Variants in WDR76 observed in about 807,000 individuals in gnomAD.
WDR76 encodes WD repeat-containing protein 76.
In WDR76, 52 loss-of-function variants were observed where a neutral mutation model predicts 70.2. That is an observed-to-expected ratio of 0.74 (90% CI 0.59 to 0.93). WDR76 has a LOEUF of 0.93. WDR76 is among the 40% of genes least tolerant of loss of function. The pLI, the probability that WDR76 is intolerant of heterozygous loss-of-function variation, is 0.00. For missense variants in WDR76, 756 were observed against 760.2 expected (o/e 0.99, Z 0.07); for synonymous variants, 292 against 271.1 (o/e 1.08, Z -0.76).
At chr15:43,840,769 A>G (rs2087714562) in intron 5 of WDR76, among the ~76,000 whole-genome samples, 2 of 152,056 alleles carry the variant, frequency 1.3e-5, no homozygotes, top group South Asian at 4.2e-4. Flanking sequence ...GCTTGAACCC[A>G]GAAGTTTGAG....
At chr15:43,850,761 A>G (rs970925533) in intron 8 of WDR76, among the ~76,000 whole-genome samples, 1 of 152,206 alleles carries the variant, frequency 6.6e-6, no homozygotes, top group African/African-American at 2.4e-5. Context: ...TTAGTTAGCA[A>G]TTATACCATG....
chr15:43,843,266 C>T (rs1464967953), intron 7 of WDR76, among the ~76,000 whole-genome samples: 1 of 152,138 alleles, frequency 6.6e-6, no homozygotes, highest in Non-Finnish European at 1.5e-5. Context: ...AGTGAGCTGT[C>T]TGCCTTGGAC....
chr15:43,847,063 T>A (rs1419098696), intron 8 of WDR76, among the ~76,000 whole-genome samples: 1 of 149,862 alleles, frequency 6.7e-6, no homozygotes, highest in Admixed American at 6.7e-5. Flanking sequence ...TTACTAGGTC[T>A]CTGTAGTCCA....
At chr15:43,836,519 CTACT>C (rs1312089973) in intron 4 of WDR76, among the ~76,000 whole-genome samples, 6 of 152,080 alleles carry the variant, frequency 3.9e-5, no homozygotes, top group Non-Finnish European at 5.9e-5. Context: ...AAAGATTCTT[CTACT>C]TACTTTTAAT....
chr15:43,829,239 C>T (rs1035579003), intron 2 of WDR76, among the ~76,000 whole-genome samples: 3 of 151,988 alleles, frequency 2.0e-5, no homozygotes, highest in Admixed American at 6.6e-5. Flanking sequence ...CTACCAGGAG[C>T]GCCGTGCTCC....
intron 4 of WDR76, among the ~76,000 whole-genome samples, chr15:43,837,318 G>A (rs1394842718): frequency 6.6e-6 from 1 of 152,188 alleles, no homozygotes; most frequent in Non-Finnish European, 1.5e-5. Flanking sequence ...TCATGGCCAG[G>A]TATTTTCAAG....
intron 12 of WDR76, 64 bp downstream of exon 12, chr15:43,861,450 A>G: frequency 1.5e-6 from 2 of 1,376,384 alleles, no homozygotes; most frequent in Non-Finnish European, 2.1e-6. Context: ...TGCAGTGCAT[A>G]CATTAGACAT....
Position 43,839,700 on chromosome 15 carries a change from C to G in WDR76, c.704C>G (p.Thr235Arg). 6.2e-7 allele frequency: 1 copy of G among 1,610,458 alleles called. No individual in the cohort carries two copies. The highest frequency in any genetic ancestry group is 8.5e-7 in the Non-Finnish European group (1 of 1,177,882). ...PSGVSLPAAP[T>R]PPTLVADETP... ...GGAGTTTCATTACCAGCAGCTCCAA[C>G]ACCGCCGACATTAGTAGCAGATGAA... The change falls in exon 5 of 13, where the codon ACA becomes AGA. Residue 235 changes from threonine (T) to arginine (R), a missense_variant. Transcript: ENST00000263795.
chr15:43,843,559 A>G (rs2087751616), intron 7 of WDR76, among the ~76,000 whole-genome samples: 1 of 152,118 alleles, frequency 6.6e-6, no homozygotes, highest in Non-Finnish European at 1.5e-5. Flanking sequence ...TGCATCAAAT[A>G]TTGTGAACAT....
intron 9 of WDR76, among the ~76,000 whole-genome samples, chr15:43,854,395 C>T (rs1471751132): frequency 6.6e-6 from 1 of 151,872 alleles, no homozygotes; most frequent in Non-Finnish European, 1.5e-5. Context: ...CATAGTGAAA[C>T]CGCACCTCTA....
chr15:43,844,887 C>G (rs1254027529), intron 8 of WDR76, among the ~76,000 whole-genome samples: 1 of 102,202 alleles, frequency 9.8e-6, no homozygotes, highest in East Asian at 2.9e-4. Context: ...GAGATCGCAC[C>G]ACTGCACTCC....
At position 43,858,252 on chromosome 15, in the gene WDR76, T is replaced by TTTTG. The variant is rs1177205581; in HGVS notation, c.1410-402_1410-399dup. ...GGCCTTAGAGAGTTCTGTTTTTTTT[T>TTTTG]TTTGTTTGTTTGTTTGTTTGAAATG... On this transcript the variant is annotated intron_variant, in intron 10 of 12. Coordinates refer to ENST00000263795, the MANE Select transcript of WDR76 (RefSeq NM_024908.4). Among the ~76,000 whole-genome samples the TTTTG allele has an allele frequency of 3.3e-5, 5 of 150,330 alleles. No individual in the cohort carries two copies. In the South Asian group the frequency reaches 6.3e-4, roughly 19 times the overall value.
At chr15:43,849,422 G>A (rs1023495381) in intron 8 of WDR76, among the ~76,000 whole-genome samples, 3 of 152,012 alleles carry the variant, frequency 2.0e-5, no homozygotes, top group Admixed American at 6.6e-5. Flanking sequence ...GAATGATAGC[G>A]AAGAAATTTT....
Position 43,843,827 on chromosome 15 carries a change from T to C in WDR76, c.879-74T>C, listed in dbSNP as rs1399632134. 21 of 1,304,356 alleles carry C rather than the reference T, an allele frequency of 1.6e-5. No homozygotes were observed. The East Asian group carries it at 2.6e-4, about 16-fold the overall frequency. The allele number at this position is 1,304,356 out of a possible 1,614,324, so 80.8% of individuals were successfully genotyped here. A position where few individuals can be genotyped will look rare whatever the true frequency, so the allele number is the denominator to read the frequency against. On this transcript the variant is annotated intron_variant, in intron 7 of 12. Coordinates refer to ENST00000263795, the MANE Select transcript of WDR76 (RefSeq NM_024908.4). Reference sequence around the variant, plus strand: ...TATTTGCTAATTGTGATTTTTCTTTTTGAATAATCTTTTACTTATTTTGAC... The same window carrying C: ...TATTTGCTAATTGTGATTTTTCTTTCTGAATAATCTTTTACTTATTTTGAC...
At chr15:43,851,564 C>A (rs781056228) in intron 9 of WDR76, among the ~76,000 whole-genome samples, 1 of 152,076 alleles carries the variant, frequency 6.6e-6, no homozygotes, top group African/African-American at 2.4e-5. Flanking sequence ...TATGTGTTTG[C>A]GCTTGTTAAA....
Position 43,857,068 on chromosome 15 carries a change from T to G in WDR76, c.1314T>G (p.Thr438=), listed in dbSNP as rs757110258. 6.2e-7 allele frequency: 1 copy of G among 1,614,118 alleles called. No individual in the cohort carries two copies. Among genetic ancestry groups the G allele is most frequent in the South Asian group, 1.1e-5 (1 of 91,084 alleles). Residue 438 remains threonine, a synonymous_variant, in exon 10 of 13, where the codon ACT becomes ACG. Coordinates refer to ENST00000263795, the MANE Select transcript of WDR76 (RefSeq NM_024908.4). Reference sequence around the variant, plus strand: ...TGGTGGATAGACGGACACCTGGAACTTCTTATGAGAAACTTACCAGTTCTT... The same window carrying G: ...TGGTGGATAGACGGACACCTGGAACGTCTTATGAGAAACTTACCAGTTCTT... ...MSLVDRRTPG[T]SYEKLTSSSM...
In WDR76 at chr15:43,843,835, T is replaced by C. The variant is rs1442811832; in HGVS notation, c.879-66T>C. ...AATTGTGATTTTTCTTTTTGAATAA[T>C]CTTTTACTTATTTTGACTATTGAGA... On this transcript the variant is annotated intron_variant, in intron 7 of 12. Coordinates refer to ENST00000263795, the MANE Select transcript of WDR76 (RefSeq NM_024908.4). The C allele has an allele frequency of 2.9e-6, 4 of 1,359,066 alleles. No individual in the cohort carries two copies. In the African/African-American group the frequency reaches 6.0e-5, roughly 20 times the overall value. 84.2% of individuals were successfully genotyped at this position (1,359,066 alleles called of 1,614,324 possible). A position where few individuals can be genotyped will look rare whatever the true frequency, so the allele number is the denominator to read the frequency against.
intron 3 of WDR76, among the ~76,000 whole-genome samples, chr15:43,835,799 C>T (rs1191489151): frequency 1.3e-5 from 2 of 151,756 alleles, no homozygotes; most frequent in African/African-American, 4.8e-5. Flanking sequence ...GCTGGGATTA[C>T]AGGCGCCCGC....
chr15:43,848,716 G>A (rs1400435135), intron 8 of WDR76, among the ~76,000 whole-genome samples: 1 of 152,134 alleles, frequency 6.6e-6, no homozygotes, highest in Admixed American at 6.5e-5. Context: ...TGAGGCAGGT[G>A]AATCACCTGA....
Sources: allele counts gnomAD v4.1 joint callset (sites outside exome capture counted in the v4.1 genomes callset), GRCh38; gene constraint gnomAD v4.1.1; transcripts MANE v1.5; gene names NCBI Gene and HGNC (gene_info 2026-07-23, HGNC 2026-07-21).